Variants in RAPGEF1 observed in about 807,000 individuals in gnomAD.
RAPGEF1 encodes Rap guanine nucleotide exchange factor 1, also known as CRK SH3-binding GNRP.
RAPGEF1 carries 33 observed loss-of-function variants against 143.3 expected under a neutral mutation model. That is an observed-to-expected ratio of 0.23 (90% CI 0.17 to 0.31). The LOEUF is 0.31. RAPGEF1 is among the 10% of genes least tolerant of loss of function. The pLI, the probability that RAPGEF1 is intolerant of heterozygous loss-of-function variation, is 1.00. For synonymous variants in RAPGEF1, 629 were observed against 676.5 expected (o/e 0.93, Z 1.09); for missense variants, 1,199 against 1,645.4 (o/e 0.73, Z 4.69).
At chr9:131,670,061 T>C (rs12551187) in intron 1 of RAPGEF1, among the ~76,000 whole-genome samples, 13,763 of 152,090 alleles carry the variant, frequency 0.09, 766 homozygotes, top group East Asian at 0.26. Context: ...GACCCTCCAA[T>C]ACAGGTACCA....
intron 9 of RAPGEF1, 110 bp from the exon 10 acceptor site, chr9:131,626,532 C>T (rs1164582769): frequency 3.6e-6 from 4 of 1,122,318 alleles, no homozygotes; most frequent in Non-Finnish European, 5.0e-6. Flanking sequence ...GTGACAAAGA[C>T]CTGTCTCCAG....
intron 1 of RAPGEF1, among the ~76,000 whole-genome samples, chr9:131,658,064 C>A (rs560156541): frequency 6.6e-6 from 1 of 152,192 alleles, no homozygotes; most frequent in Non-Finnish European, 1.5e-5. Context: ...GACACTGGGT[C>A]GCTTCCAGCA....
At chr9:131,598,053 C>A in intron 16 of RAPGEF1, 146 bp downstream of exon 16, 1 of 679,196 alleles carries the variant, frequency 1.5e-6, no homozygotes, top group Non-Finnish European at 2.5e-6. Context: ...GAGCCCACAG[C>A]CCAGAGGCTC....
At chr9:131,674,066 G>A (rs1351826469) in intron 1 of RAPGEF1, among the ~76,000 whole-genome samples, 1 of 152,204 alleles carries the variant, frequency 6.6e-6, no homozygotes, top group African/African-American at 2.4e-5. Flanking sequence ...AACATTGTTC[G>A]AAGCCACCTT....
intron 15 of RAPGEF1, among the ~76,000 whole-genome samples, chr9:131,601,605 AT>A (rs1956288172): frequency 6.6e-6 from 1 of 152,062 alleles, no homozygotes; most frequent in Non-Finnish European, 1.5e-5. Flanking sequence ...TTATTTGAGA[AT>A]CAGAAAAAAA....
At position 131,674,475 on chromosome 9, in the gene RAPGEF1, G is replaced by A. The variant is rs11243470; in HGVS notation, c.62-23526C>T. ...CTGTGTTATGAACAGGCCCTGGTCC[G>A]GTTCCCCAAGGCGTGAGAAGCCACC... On this transcript the variant is annotated intron_variant, in intron 1 of 26. Coordinates refer to ENST00000683357, the MANE Select transcript of RAPGEF1 (RefSeq NM_001377935.1). Among the ~76,000 whole-genome samples, 974 of 152,310 alleles carry A rather than the reference G, an allele frequency of 6.4e-3. 10 individuals are homozygous for A. The highest frequency in any genetic ancestry group is 0.022 in the African/African-American group (914 of 41,570).
chr9:131,713,489 G>A (rs1835653086), intron 1 of RAPGEF1, among the ~76,000 whole-genome samples: 1 of 152,190 alleles, frequency 6.6e-6, no homozygotes, highest in South Asian at 2.1e-4. Context: ...AGGGCAGTGT[G>A]AAGGAATTGG....
chr9:131,717,003 C>T (rs1835909379), intron 1 of RAPGEF1, among the ~76,000 whole-genome samples: 1 of 152,196 alleles, frequency 6.6e-6, no homozygotes, highest in Non-Finnish European at 1.5e-5. Context: ...GGAAACCTCA[C>T]AGCCAACATC....
intron 1 of RAPGEF1, among the ~76,000 whole-genome samples, chr9:131,691,215 A>G (rs896939911): frequency 2.6e-5 from 4 of 152,222 alleles, no homozygotes; most frequent in African/African-American, 9.6e-5. Context: ...ATGTGATACT[A>G]TTTTAATTGT....
chr9:131,631,304 C>T (rs1964781204), intron 5 of RAPGEF1, among the ~76,000 whole-genome samples: 1 of 152,220 alleles, frequency 6.6e-6, no homozygotes, highest in Non-Finnish European at 1.5e-5. Flanking sequence ...TTTAGGACTT[C>T]TCATCACCCC....
chr9:131,713,318 C>G (rs572742107), intron 1 of RAPGEF1, among the ~76,000 whole-genome samples: 2 of 152,342 alleles, frequency 1.3e-5, no homozygotes, highest in South Asian at 2.1e-4. Context: ...TCCACAAGAT[C>G]ATCTGCTCCA....
intron 1 of RAPGEF1, among the ~76,000 whole-genome samples, chr9:131,730,653 C>CCATT (rs1836992348): frequency 6.9e-6 from 1 of 143,940 alleles, no homozygotes; most frequent in Non-Finnish European, 1.5e-5. Flanking sequence ...CGAGATCACC[C>CCATT]CATTGCACTC....
chr9:131,689,769 C>T (rs1384405639), intron 1 of RAPGEF1, among the ~76,000 whole-genome samples: 1 of 152,202 alleles, frequency 6.6e-6, no homozygotes, highest in African/African-American at 2.4e-5. Context: ...AACTCCTGAG[C>T]TCAGGCAATC....
At position 131,582,631 on chromosome 9, in the gene RAPGEF1, C is replaced by G. The variant is rs1190503702; in HGVS notation, c.3486G>C (p.Glu1162Asp). The G allele has an allele frequency of 2.6e-6, 4 of 1,533,784 alleles. No homozygotes were observed. Among genetic ancestry groups the G allele is most frequent in the Non-Finnish European group, 3.5e-6 (4 of 1,150,544 alleles). Residue 1162 changes from glutamate (E) to aspartate (D), a missense_variant, in exon 25 of 27, where the codon GAG (glutamate) becomes GAC (aspartate). Physicochemically the swap from Glu to Asp is conservative, Grantham distance 45. Coordinates refer to ENST00000683357, the MANE Select transcript of RAPGEF1 (RefSeq NM_001377935.1). ...GGTACGGGATGCACGGCGGTTCCAC[C>G]TCCGAGAGGGCGGCCCGGTAGGCTC... ...SFRAYRAALS[E>D]VEPPCIPYLG...
Position 131,598,186 on chromosome 9 carries a change from G to A in RAPGEF1, c.2613+13C>T, listed in dbSNP as rs571368390. 5.0e-6 allele frequency: 8 copies of A among 1,609,752 alleles called. No homozygotes were observed. Among genetic ancestry groups the A allele is most frequent in the African/African-American group, 2.7e-5 (2 of 74,938 alleles). On this transcript the variant is annotated intron_variant, in intron 16 of 26. Transcript: ENST00000683357. ...GGGCCAGGCTGCAAAGCCCCAGCCC[G>A]GGAAGTTCTCACCTCCTGCTTGAGC...
intron 1 of RAPGEF1, among the ~76,000 whole-genome samples, chr9:131,677,532 C>T (rs1463972061): frequency 6.6e-6 from 1 of 152,042 alleles, no homozygotes; most frequent in South Asian, 2.1e-4. Flanking sequence ...ATTCTAGGCA[C>T]AAAATAACAA....
Position 131,584,649 on chromosome 9 carries a change from C to G in RAPGEF1, c.3234-53G>C. 6.3e-7 allele frequency: 1 copy of G among 1,579,794 alleles called. No individual in the cohort carries two copies. Among genetic ancestry groups the G allele is most frequent in the Non-Finnish European group, 8.7e-7 (1 of 1,149,474 alleles). On this transcript the variant is annotated intron_variant, in intron 22 of 26. Coordinates refer to ENST00000683357, the MANE Select transcript of RAPGEF1 (RefSeq NM_001377935.1). The surrounding 1 kb of genome is among the most constrained non-coding windows in gnomAD (Gnocchi z 6.8). ...GCTGAGTTGACAAGTCCCTGCAGGT[C>G]CCAGGGGTCCTGGTGGAGACAGGAC...
chr9:131,730,111 G>A (rs1008460535), intron 1 of RAPGEF1, among the ~76,000 whole-genome samples: 1 of 147,898 alleles, frequency 6.8e-6, no homozygotes, highest in Admixed American at 6.8e-5. Flanking sequence ...GGAGAATGGC[G>A]TGAACCCGGG....
At position 131,650,930 on chromosome 9, in the gene RAPGEF1, G is replaced by C. The variant is rs566898837; in HGVS notation, c.81C>G (p.Leu27=). The change falls in exon 2 of 27, where the codon CTC becomes CTG. Residue 27 remains leucine (L), a synonymous_variant. Coordinates refer to ENST00000683357, the MANE Select transcript of RAPGEF1 (RefSeq NM_001377935.1). The surrounding 1 kb of genome is among the most constrained non-coding windows in gnomAD (Gnocchi z 4.7). ...IEKADSQRSH[L]SSFTMKLMDK... ...CCATCAGCTTCATGGTGAAGGAAGA[G>C]AGATGAGAACGCTGAGAGTCTGAAA... 1.2e-6 allele frequency: 2 copies of C among 1,613,934 alleles called. No individual in the cohort carries two copies. The highest frequency in any genetic ancestry group is 1.7e-5 in the Admixed American group (1 of 60,020).
Sources: allele counts gnomAD v4.1 joint callset (sites outside exome capture counted in the v4.1 genomes callset), GRCh38; gene constraint gnomAD v4.1.1; non-coding constraint Gnocchi (gnomAD v3.1); transcripts MANE v1.5; gene names NCBI Gene and HGNC (gene_info 2026-07-23, HGNC 2026-07-21).